OSBP2: variants seen among roughly 807,000 people sequenced by gnomAD.
OSBP2 encodes the protein oxysterol-binding protein 2.
OSBP2 carries 66 observed loss-of-function variants against 96.0 expected under a neutral mutation model. That is an observed-to-expected ratio of 0.69 (90% CI 0.56 to 0.84). The LOEUF (loss-of-function observed/expected upper bound fraction) is 0.84, where lower values mean the gene tolerates loss of function less well. Among genes scored for constraint, OSBP2 ranks in the 40% least tolerant of loss-of-function variants. The pLI is 0.00. For synonymous variants in OSBP2, 525 were observed against 520.9 expected (o/e 1.01, Z -0.11); for missense variants, 1,038 against 1,222.7 (o/e 0.85, Z 2.25).
intron 1 of OSBP2, among the ~76,000 whole-genome samples, chr22:30,724,574 T>C (rs1375923250): frequency 6.6e-6 from 1 of 152,220 alleles, no homozygotes; most frequent in Non-Finnish European, 1.5e-5. Flanking sequence ...CACTGAATAA[T>C]ATTTCATTGT....
intron 2 of OSBP2, among the ~76,000 whole-genome samples, chr22:30,804,360 G>T (rs1432458258): frequency 6.6e-6 from 1 of 152,230 alleles, no homozygotes; most frequent in African/African-American, 2.4e-5. Flanking sequence ...GGAGGACTGA[G>T]ATCTGTGTTT....
chr22:30,737,276 A>G (rs1436423846), intron 1 of OSBP2, among the ~76,000 whole-genome samples: 2 of 150,480 alleles, frequency 1.3e-5, no homozygotes, highest in African/African-American at 4.9e-5. Flanking sequence ...TCGGCGTCCC[A>G]AAGTGCTGGG....
At chr22:30,713,314 C>T (rs1358277762) in intron 1 of OSBP2, among the ~76,000 whole-genome samples, 2 of 151,912 alleles carry the variant, frequency 1.3e-5, no homozygotes, top group Admixed American at 6.6e-5. Context: ...CTCCTGACCT[C>T]GTGATCTGCC....
Position 30,725,404 on chromosome 22 carries a change from G to A in OSBP2, c.645-15757G>A, listed in dbSNP as rs149579266. On this transcript the variant is annotated intron_variant, in intron 1 of 13. Transcript: ENST00000332585. ...GCACCTGTAATCCCAGCTACTACTC[G>A]GGAGGCTGAAGCATGAGAATCACTT... Among the ~76,000 whole-genome samples, 873 of 151,804 alleles carry A rather than the reference G, an allele frequency of 5.8e-3. 7 individuals carry two copies. Among genetic ancestry groups the A allele is most frequent in the African/African-American group, 0.02 (821 of 41,406 alleles).
At chr22:30,819,151 A>T (rs954056436) in intron 2 of OSBP2, among the ~76,000 whole-genome samples, 4 of 152,226 alleles carry the variant, frequency 2.6e-5, no homozygotes, top group African/African-American at 9.6e-5. Context: ...CCTGGTCAAC[A>T]TGGTGAAACT....
chr22:30,869,618 T>C (rs1432328773), intron 2 of OSBP2, among the ~76,000 whole-genome samples: 1 of 152,232 alleles, frequency 6.6e-6, no homozygotes, highest in East Asian at 1.9e-4. Context: ...CACTACAGCC[T>C]TCACCTCCCT....
Position 30,870,655 on chromosome 22 carries a change from C to A in OSBP2, c.1080C>A (p.Phe360Leu), listed in dbSNP as rs776976795. The change falls in exon 3 of 14, where the codon TTC becomes TTA. Residue 360 changes from phenylalanine (F) to leucine (L), a missense_variant. Around this residue, in one of 3 missense-constraint regions of OSBP2, gnomAD observed 737 missense variants for 913.3 expected, o/e 0.81. Transcript: ENST00000332585. This position sits in a 1 kb window ranked among gnomAD's most constrained non-coding sequence, Gnocchi z 4.1. ...LKVVNERATL[F>L]RITSNAMINA... is the part of the protein sequence containing the mutation. ...TGGTGAATGAGCGGGCCACCCTCTT[C>A]CGCATCACATCCAATGCTATGATCA... is the stretch of plus-strand genomic sequence containing the variant. The A allele has an allele frequency of 1.2e-6, 2 of 1,613,816 alleles. No homozygotes were observed. Among genetic ancestry groups the A allele is most frequent in the Non-Finnish European group, 1.7e-6 (2 of 1,180,014 alleles).
intron 2 of OSBP2, among the ~76,000 whole-genome samples, chr22:30,858,436 G>A (rs1047014693): frequency 1.3e-4 from 20 of 151,732 alleles, no homozygotes; most frequent in Middle Eastern, 3.4e-3. Flanking sequence ...GTGAGCCACC[G>A]CGCCCGGCCT....
intron 2 of OSBP2, among the ~76,000 whole-genome samples, chr22:30,867,229 CTTG>C (rs2039358033): frequency 6.6e-6 from 1 of 152,132 alleles, no homozygotes; most frequent in African/African-American, 2.4e-5. Flanking sequence ...TGCCACCAGT[CTTG>C]TCTTTCCCAT....
intron 2 of OSBP2, among the ~76,000 whole-genome samples, chr22:30,771,776 G>C (rs1253528620): frequency 6.6e-6 from 1 of 152,236 alleles, no homozygotes; most frequent in Non-Finnish European, 1.5e-5. Context: ...ATTAGCTATA[G>C]AAACTGAGGC....
intron 12 of OSBP2, chr22:30,902,139 C>CAAAAAAAAAAAAAA (rs1491098304): frequency 3.0e-4 from 20 of 66,676 alleles, no homozygotes; most frequent in African/African-American, 1.0e-3. Context: ...AAAAAAAAAA[C>CAAAAAAAAAAAAAA]CAAAAAAAAA....
intron 8 of OSBP2, among the ~76,000 whole-genome samples, chr22:30,891,892 G>A (rs1427857813): frequency 6.6e-6 from 1 of 152,170 alleles, no homozygotes; most frequent in Non-Finnish European, 1.5e-5. Context: ...CATGGGGCTG[G>A]GAAAGCAAGG....
Position 30,893,708 on chromosome 22 carries a change from A to G in OSBP2, c.2165A>G (p.Tyr722Cys). Reference protein sequence around the residue: ...RCQLKFLPYSYFSKEAARKVT... With the variant: ...RCQLKFLPYSCFSKEAARKVT... ...CAGCTGAAGTTCCTGCCCTACAGCT[A>G]CTTCTCCAAAGAGGCAGCCCGGAAG... Residue 722 changes from tyrosine (Y) to cysteine (C), a missense_variant, in exon 11 of 14, where the codon TAC becomes TGC. This residue lies in a region of OSBP2 where 737 missense variants were observed against 913.3 expected (regional missense o/e 0.81). Transcript: ENST00000332585. 1 of 1,614,126 alleles carries G rather than the reference A, an allele frequency of 6.2e-7. No individual in the cohort carries two copies. The highest frequency in any genetic ancestry group is 1.1e-5 in the South Asian group (1 of 91,086).
Position 30,881,940 on chromosome 22 carries a change from C to T in OSBP2, c.1108-5486C>T. ...GATATTAGGGCACAGCAGTTTTCACCCTGCCCCGCTTTTAGGTGACTGTGA... is the reference window on the plus strand; with the variant it reads ...GATATTAGGGCACAGCAGTTTTCACTCTGCCCCGCTTTTAGGTGACTGTGA... On this transcript the variant is annotated intron_variant, in intron 3 of 13. Coordinates refer to ENST00000332585, the MANE Select transcript of OSBP2 (RefSeq NM_030758.4). This position sits in a 1 kb window ranked among gnomAD's most constrained non-coding sequence, Gnocchi z 4.5. 1 of 694,536 alleles carries T rather than the reference C, an allele frequency of 1.4e-6. No homozygotes were observed. Among genetic ancestry groups the T allele is most frequent in the Non-Finnish European group, 2.1e-6 (1 of 470,328 alleles). The allele number at this position is 694,536 out of a possible 1,614,324, so 43.0% of individuals were successfully genotyped here.
intron 2 of OSBP2, among the ~76,000 whole-genome samples, chr22:30,741,880 C>T (rs1166828068): frequency 6.7e-6 from 1 of 150,096 alleles, no homozygotes; most frequent in African/African-American, 2.5e-5. Context: ...AGTACAGTGG[C>T]ATGATCTCGG....
chr22:30,787,276 T>A (rs909093654), intron 2 of OSBP2, among the ~76,000 whole-genome samples: 1 of 152,094 alleles, frequency 6.6e-6, no homozygotes, highest in Non-Finnish European at 1.5e-5. Flanking sequence ...AGGAAACACA[T>A]TCTTCTTAAC....
At chr22:30,885,717 C>T (rs2039795481) in intron 3 of OSBP2, among the ~76,000 whole-genome samples, 1 of 152,262 alleles carries the variant, frequency 6.6e-6, no homozygotes, top group Admixed American at 6.5e-5. Flanking sequence ...AGGCCTAACA[C>T]TGCAGGGAGG....
chr22:30,843,681 T>C (rs2038805485), intron 2 of OSBP2, among the ~76,000 whole-genome samples: 1 of 151,856 alleles, frequency 6.6e-6, no homozygotes, highest in African/African-American at 2.4e-5. Context: ...CTGGGCAACA[T>C]AGTGAAACCC....
At chr22:30,732,010 A>G (rs2089788007) in intron 1 of OSBP2, among the ~76,000 whole-genome samples, 1 of 152,174 alleles carries the variant, frequency 6.6e-6, no homozygotes, top group African/African-American at 2.4e-5. Context: ...TGGAAATGTT[A>G]AGAGATACCG....
Sources: gnomAD v4.1 joint callset for allele counts (sites outside exome capture counted in the v4.1 genomes callset) on GRCh38, gnomAD v4.1.1 for gene constraint, gnomAD v4.1.1 regional missense constraint, Gnocchi (gnomAD v3.1) non-coding constraint, MANE v1.5 for transcripts, NCBI Gene and HGNC (gene_info 2026-07-23, HGNC 2026-07-21) for gene names.